The following KSR1 variants were observed in gnomAD, a reference collection of about 807,000 sequenced individuals.
KSR1 encodes kinase suppressor of ras 1.
KSR1 carries 35 observed loss-of-function variants against 92.9 expected under a neutral mutation model. That is an observed-to-expected ratio of 0.38 (90% confidence interval 0.29 to 0.50). The LOEUF is 0.50. KSR1 is among the 20% of genes least tolerant of loss of function. The pLI is 0.94. For missense variants in KSR1, 972 were observed against 1,158.5 expected (o/e 0.84, Z 2.34); for synonymous variants, 467 against 472.6 (o/e 0.99, Z 0.15).
At chr17:27,496,547 C>T (rs1203732535) in intron 1 of KSR1, among the ~76,000 whole-genome samples, 1 of 152,164 alleles carries the variant, frequency 6.6e-6, no homozygotes, top group East Asian at 1.9e-4. Flanking sequence ...AGAAGGGAGG[C>T]CCCCATGTGG....
At chr17:27,556,572 G>C (rs1411312348) in intron 2 of KSR1, among the ~76,000 whole-genome samples, 1 of 152,206 alleles carries the variant, frequency 6.6e-6, no homozygotes, top group Non-Finnish European at 1.5e-5. Flanking sequence ...GGACCAGACA[G>C]TAAACTGCAC....
At chr17:27,537,797 C>T (rs1567804394) in intron 1 of KSR1, among the ~76,000 whole-genome samples, 1 of 152,158 alleles carries the variant, frequency 6.6e-6, no homozygotes, top group African/African-American at 2.4e-5. Flanking sequence ...TAGGAATGCC[C>T]AGTTAAAAAG....
At chr17:27,616,338 A>G (rs1295896015) in intron 18 of KSR1, among the ~76,000 whole-genome samples, 1 of 152,204 alleles carries the variant, frequency 6.6e-6, no homozygotes, top group African/African-American at 2.4e-5. Flanking sequence ...AATTGAGCCT[A>G]CAGTCTGGGG....
chr17:27,574,891 T>C (rs918140170), intron 2 of KSR1, among the ~76,000 whole-genome samples: 5 of 152,378 alleles, frequency 3.3e-5, no homozygotes, highest in Non-Finnish European at 7.3e-5. Context: ...AGGTCTGATC[T>C]GGTCCCATAG....
At chr17:27,476,448 G>A (rs530764706) in intron 1 of KSR1, among the ~76,000 whole-genome samples, 100 of 152,326 alleles carry the variant, frequency 6.6e-4, no homozygotes, top group Admixed American at 3.4e-3. Flanking sequence ...GTGCTGGGGC[G>A]CTGCCGGTGA....
chr17:27,567,881 G>T (rs1418195774), intron 2 of KSR1, among the ~76,000 whole-genome samples: 1 of 152,206 alleles, frequency 6.6e-6, no homozygotes, highest in Non-Finnish European at 1.5e-5. Context: ...TGTGAAATGA[G>T]TGCTGACTAG....
intron 1 of KSR1, among the ~76,000 whole-genome samples, chr17:27,529,782 C>G (rs888283452): frequency 6.6e-6 from 1 of 152,204 alleles, no homozygotes; most frequent in Admixed American, 6.5e-5. Flanking sequence ...TGAACTCTTT[C>G]CCGACACCCG....
In KSR1 at chr17:27,509,451, C is replaced by T. The variant is rs998034819; in HGVS notation, c.232-41117C>T. 1.3e-4 allele frequency among the ~76,000 whole-genome samples: 20 copies of T among 152,030 alleles called. No individual in the cohort carries two copies. The East Asian group carries it at 1.4e-3, about 10-fold the overall frequency. The stretch of plus-strand genomic sequence containing the variant: ...GACTACAGGCACCTGCCACCACGCC[C>T]GGCTATTTTTTGTATTTTTAGGAGA... On this transcript the variant is annotated intron_variant, in intron 1 of 20. Transcript: ENST00000644974.
intron 1 of KSR1, among the ~76,000 whole-genome samples, chr17:27,497,311 T>C (rs2069023100): frequency 1.3e-5 from 2 of 152,234 alleles, no homozygotes; most frequent in African/African-American, 4.8e-5. Flanking sequence ...GGCTTCATCC[T>C]CTTATCGTGG....
chr17:27,480,677 A>G (rs754109040), intron 1 of KSR1, among the ~76,000 whole-genome samples: 3 of 152,202 alleles, frequency 2.0e-5, no homozygotes, highest in Non-Finnish European at 2.9e-5. Flanking sequence ...GAGCCACAGC[A>G]CCTGGCCTAT....
intron 1 of KSR1, among the ~76,000 whole-genome samples, chr17:27,496,263 A>C (rs1293709170): frequency 6.6e-6 from 1 of 152,126 alleles, no homozygotes; most frequent in African/African-American, 2.4e-5. Flanking sequence ...ATGTGACTGG[A>C]GAGAGCCATG....
At chr17:27,581,287 A>G (rs1014005007) in intron 3 of KSR1, among the ~76,000 whole-genome samples, 20 of 152,136 alleles carry the variant, frequency 1.3e-4, no homozygotes, top group African/African-American at 4.3e-4. Context: ...CCCATGATCC[A>G]GTCACCTCCC....
At position 27,502,471 on chromosome 17, in the gene KSR1, A is replaced by G. The variant is rs1214478699; in HGVS notation, c.231+45597A>G. On this transcript the variant is annotated intron_variant, in intron 1 of 20. Transcript: ENST00000644974. ...TCTTAAAATATGACATTTTCCCTGTACAATCTTTTCCTTTTGCTAATTTAA... is the reference window on the plus strand; with the variant it reads ...TCTTAAAATATGACATTTTCCCTGTGCAATCTTTTCCTTTTGCTAATTTAA... Among the ~76,000 whole-genome samples, 4 of 152,270 alleles carry G rather than the reference A, an allele frequency of 2.6e-5. No individual in the cohort carries two copies. In the East Asian group the frequency reaches 7.7e-4, roughly 29 times the overall value.
At chr17:27,536,487 C>T (rs2070756571) in intron 1 of KSR1, among the ~76,000 whole-genome samples, 1 of 152,162 alleles carries the variant, frequency 6.6e-6, no homozygotes, top group Non-Finnish European at 1.5e-5. Flanking sequence ...AATGATTTTC[C>T]TGTCTTTGGT....
At chr17:27,578,979 G>T (rs1166346435) in intron 3 of KSR1, 3 of 152,226 alleles carry the variant, frequency 2.0e-5, no homozygotes, top group African/African-American at 7.2e-5. Flanking sequence ...GCAGAGCTGG[G>T]CTTTGAACTC....
At chr17:27,531,916 C>T (rs535686227) in intron 1 of KSR1, among the ~76,000 whole-genome samples, 2 of 152,320 alleles carry the variant, frequency 1.3e-5, no homozygotes, top group South Asian at 2.1e-4. Context: ...AGGGAACCAG[C>T]GTTACCAGCT....
At position 27,577,823 on chromosome 17, in the gene KSR1, C is replaced by G; in HGVS notation, c.520+184C>G. ...TCCCAGGGTCCTCAGGGCTCTGGATCCTGGTGGGTCTGGCCAGGCCGAATC... is the reference window on the plus strand; with the variant it reads ...TCCCAGGGTCCTCAGGGCTCTGGATGCTGGTGGGTCTGGCCAGGCCGAATC... On this transcript the variant is annotated intron_variant, in intron 3 of 20. Coordinates refer to ENST00000644974, the MANE Select transcript of KSR1 (RefSeq NM_001394583.1). The surrounding 1 kb of genome is among the most constrained non-coding windows in gnomAD (Gnocchi z 4.5). The G allele has an allele frequency of 1.4e-6, 1 of 704,420 alleles. No homozygotes were observed. The highest frequency in any genetic ancestry group is 2.6e-6 in the Non-Finnish European group (1 of 388,034). The allele number at this position is 704,420 out of a possible 1,614,324, so 43.6% of individuals were successfully genotyped here. A position where few individuals can be genotyped will look rare whatever the true frequency, so the allele number is the denominator to read the frequency against.
chr17:27,508,421 G>A (rs1482237838), intron 1 of KSR1, among the ~76,000 whole-genome samples: 1 of 152,160 alleles, frequency 6.6e-6, no homozygotes, highest in Non-Finnish European at 1.5e-5. Context: ...TTTTGCAGAT[G>A]AGGATCATCA....
At chr17:27,547,393 C>T (rs936684464) in intron 1 of KSR1, among the ~76,000 whole-genome samples, 1 of 152,224 alleles carries the variant, frequency 6.6e-6, no homozygotes, top group Admixed American at 6.5e-5. Context: ...TTAACCTTAA[C>T]TGGAATTTAG....
Sources: allele counts gnomAD v4.1 joint callset (sites outside exome capture counted in the v4.1 genomes callset), GRCh38; gene constraint gnomAD v4.1.1; non-coding constraint Gnocchi (gnomAD v3.1); transcripts MANE v1.5; gene names NCBI Gene and HGNC (gene_info 2026-07-23, HGNC 2026-07-21).